Variants in RANBP2 observed in about 807,000 individuals in gnomAD.
RANBP2 encodes RAN binding protein 2, also known as E3 SUMO-protein ligase RanBP2.
Under a neutral mutation model 303.6 loss-of-function variants are expected in RANBP2, and 57 were observed. The observed-to-expected ratio is 0.19, with a 90% confidence interval of 0.15 to 0.23. The LOEUF (loss-of-function observed/expected upper bound fraction) is 0.23. Among genes scored for constraint, RANBP2 ranks in the 10% least tolerant of loss-of-function variants. The pLI is 1.00. For missense variants in RANBP2, 3,138 were observed against 3,780.8 expected, an observed-to-expected ratio of 0.83 and a Z score of 4.46; for synonymous variants, 1,167 against 1,301.5, an observed-to-expected ratio of 0.90 and a Z score of 2.23.
At chr2:109,329,026 A>G in the RANBP2 span, among the ~76,000 whole-genome samples, 1 of 152,190 alleles carries the variant, frequency 6.6e-6, no homozygotes, top group Non-Finnish European at 1.5e-5. Flanking sequence ...CCATGTGTCC[A>G]CAGAGGCAGT....
the RANBP2 span, among the ~76,000 whole-genome samples, chr2:109,445,012 A>G: frequency 6.6e-6 from 1 of 152,214 alleles, no homozygotes; most frequent in South Asian, 2.1e-4. Flanking sequence ...AAAAAGAACC[A>G]ATTTGAAATT....
At chr2:109,724,653 G>A in the RANBP2 span, among the ~76,000 whole-genome samples, 2 of 152,128 alleles carry the variant, frequency 1.3e-5, no homozygotes, top group Admixed American at 6.5e-5. Context: ...GTCCTGCAGT[G>A]AGCTGGCAAG....
chr2:109,006,703 C>T, the RANBP2 span, among the ~76,000 whole-genome samples: 8 of 152,104 alleles, frequency 5.3e-5, no homozygotes, highest in Non-Finnish European at 1.2e-4. Flanking sequence ...TAAGTGAGAG[C>T]GGAGGCCCCT....
At chr2:108,788,247 C>T (rs1679254429), downstream of RANBP2, among the ~76,000 whole-genome samples, 4 of 151,372 alleles carry the variant, frequency 2.6e-5, no homozygotes, top group South Asian at 8.3e-4. Flanking sequence ...AGTGAAATCC[C>T]GTCTCTACTA....
chr2:109,013,847 G>C, the RANBP2 span, among the ~76,000 whole-genome samples: 1 of 152,142 alleles, frequency 6.6e-6, no homozygotes, highest in East Asian at 1.9e-4. Flanking sequence ...AAAGTGCTGG[G>C]ATTACAGGCA....
intron 4 of RANBP2, among the ~76,000 whole-genome samples, chr2:108,733,257 CTTTTTTT>C (rs34665362): frequency 2.4e-5 from 2 of 85,004 alleles, no homozygotes; most frequent in African/African-American, 6.2e-5. Flanking sequence ...TAACCATTCC[CTTTTTTT>C]TTTTTTTTTT....
chr2:108,847,512 A>C, the RANBP2 span, among the ~76,000 whole-genome samples: 4 of 152,210 alleles, frequency 2.6e-5, no homozygotes, highest in Non-Finnish European at 5.9e-5. Context: ...CCCTGCACCT[A>C]GTGTAGTGCT....
At chr2:108,925,190 T>TATTGGTCCCGCTCCTGGGCTGGGAGG in the RANBP2 span, among the ~76,000 whole-genome samples, 2 of 152,380 alleles carry the variant, frequency 1.3e-5, no homozygotes, top group African/African-American at 4.8e-5. Flanking sequence ...TGTTCACGTC[T>TATTGGTCCCGCTCCTGGGCTGGGAGG]CTATTCCTTG....
At chr2:109,172,133 G>A in the RANBP2 span, among the ~76,000 whole-genome samples, 1 of 152,214 alleles carries the variant, frequency 6.6e-6, no homozygotes, top group Admixed American at 6.5e-5. Flanking sequence ...AGAGCGGGTG[G>A]GGAGCAGGTC....
the RANBP2 span, among the ~76,000 whole-genome samples, chr2:109,142,650 T>C: frequency 1.3e-5 from 2 of 152,114 alleles, no homozygotes; most frequent in Non-Finnish European, 2.9e-5. Context: ...GGCTGCATCT[T>C]GGAGCCCTCC....
the RANBP2 span, among the ~76,000 whole-genome samples, chr2:109,071,311 G>A: frequency 2.6e-5 from 4 of 152,206 alleles, no homozygotes; most frequent in East Asian, 1.9e-4. Flanking sequence ...AGGGAAATGG[G>A]TTTGGAGTAT....
At chr2:109,411,383 G>A in the RANBP2 span, among the ~76,000 whole-genome samples, 1 of 152,224 alleles carries the variant, frequency 6.6e-6, no homozygotes, top group African/African-American at 2.4e-5. Context: ...CTGCCCCTCA[G>A]CAGGCCTCGT....
At chr2:109,303,462 T>G in the RANBP2 span, among the ~76,000 whole-genome samples, 1 of 152,132 alleles carries the variant, frequency 6.6e-6, no homozygotes, top group Admixed American at 6.5e-5. Context: ...GGCAGAACAC[T>G]AAGAAGATGA....
chr2:108,826,354 GTA>G, the RANBP2 span, among the ~76,000 whole-genome samples: 1 of 152,088 alleles, frequency 6.6e-6, no homozygotes, highest in African/African-American at 2.4e-5. Context: ...AGATTTATCT[GTA>G]TGTTTTCTTT....
the RANBP2 span, chr2:108,856,905 G>A: frequency 6.2e-7 from 1 of 1,613,066 alleles, no homozygotes; most frequent in Non-Finnish European, 8.5e-7. Flanking sequence ...AGTCATCTAA[G>A]AATATCCAGT....
At chr2:109,143,288 A>C in the RANBP2 span, among the ~76,000 whole-genome samples, 3 of 152,338 alleles carry the variant, frequency 2.0e-5, no homozygotes, top group East Asian at 5.8e-4. Context: ...AGTATCGTGA[A>C]ACTGAGGCTT....
the RANBP2 span, among the ~76,000 whole-genome samples, chr2:109,655,978 T>G: frequency 1.3e-5 from 2 of 152,214 alleles, no homozygotes; most frequent in Admixed American, 6.5e-5. Flanking sequence ...TGGAATGCCC[T>G]TCTAGACCTG....
rs1376048039 is a variant in RANBP2 at position 108,719,578 on chromosome 2, C to G, written c.-29C>G. ...GCTGCGGGCCTGAGCGCTGGTCTCA[C>G]GCGCCTCGGGAGCCAGGTTGGCGGC... On this transcript the variant is annotated 5_prime_UTR_variant, in exon 1 of 29. Transcript: ENST00000283195. 2 of 1,591,702 alleles carry G rather than the reference C, an allele frequency of 1.3e-6. No individual in the cohort carries two copies. Among genetic ancestry groups the G allele is most frequent in the South Asian group, 1.1e-5 (1 of 87,698 alleles).
At chr2:109,212,133 G>A in the RANBP2 span, among the ~76,000 whole-genome samples, 1 of 152,194 alleles carries the variant, frequency 6.6e-6, no homozygotes, top group Non-Finnish European at 1.5e-5. Context: ...GGTCCGAATC[G>A]AGCCTCTGGG....
Sources: gnomAD v4.1 joint callset for allele counts (sites outside exome capture counted in the v4.1 genomes callset) on GRCh38, gnomAD v4.1.1 for gene constraint, MANE v1.5 for transcripts, NCBI Gene and HGNC (gene_info 2026-07-23, HGNC 2026-07-21) for gene names.